AKAP6: variants seen among roughly 807,000 people sequenced by gnomAD.
AKAP6 encodes A-kinase anchor protein 6.
A neutral mutation model predicts 188.5 loss-of-function variants in AKAP6; 58 were observed. That is an observed-to-expected ratio of 0.31 (90% CI 0.25 to 0.38). AKAP6 has a LOEUF of 0.38. Among genes scored for constraint, AKAP6 ranks in the 10% least tolerant of loss-of-function variants. AKAP6 has a pLI of 1.00. For synonymous variants in AKAP6, 989 were observed against 998.6 expected (o/e 0.99, Z 0.18); for missense variants, 2,710 against 2,740.0 (o/e 0.99, Z 0.24).
chr14:32,671,899 A>G (rs191667627), intron 7 of AKAP6, among the ~76,000 whole-genome samples: 29 of 152,338 alleles, frequency 1.9e-4, no homozygotes, highest in Admixed American at 1.9e-3. Context: ...AGCAAAAAGC[A>G]AACTAAAAAT....
rs1245922107 is a variant in AKAP6, at chr14:32,402,861, C to G, written c.-34-30599C>G. Among the ~76,000 whole-genome samples the G allele has an allele frequency of 2.0e-5, 3 of 151,952 alleles. No homozygotes were observed. In the East Asian group the frequency reaches 5.8e-4, roughly 29 times the overall value. On this transcript the variant is annotated intron_variant, in intron 1 of 13. Coordinates refer to ENST00000280979, the MANE Select transcript of AKAP6 (RefSeq NM_004274.5). The stretch of plus-strand genomic sequence containing the variant: ...TCTCTTGCCTCAGCCTCCTGAGTAG[C>G]TGGGACTACAGGCACATGCCACCAC...
intron 9 of AKAP6, among the ~76,000 whole-genome samples, chr14:32,719,539 T>G (rs1447497595): frequency 6.6e-6 from 1 of 152,190 alleles, no homozygotes; most frequent in African/African-American, 2.4e-5. Flanking sequence ...AGATATCTCT[T>G]TGAGGAAATA....
chr14:32,514,148 C>G (rs926928237), intron 2 of AKAP6, among the ~76,000 whole-genome samples: 1 of 152,064 alleles, frequency 6.6e-6, no homozygotes, highest in South Asian at 2.1e-4. Context: ...CCCATCTACC[C>G]GATATGAAAG....
rs1366164021 is a variant in AKAP6, at chr14:32,698,574, C to T, written c.3000+2464C>T. ...GTTTGTGGGCCTGTCTTTTACACTA[C>T]AGAACATTTACTCTTCATGTTCCCC... On this transcript the variant is annotated intron_variant, in intron 9 of 13. Coordinates refer to ENST00000280979, the MANE Select transcript of AKAP6 (RefSeq NM_004274.5). Among the ~76,000 whole-genome samples the T allele has an allele frequency of 6.6e-5, 10 of 152,172 alleles. 2 individuals carry two copies. The Middle Eastern group carries it at 0.02, about 311-fold the overall frequency.
At chr14:32,717,142 G>A (rs528171348) in intron 9 of AKAP6, among the ~76,000 whole-genome samples, 1 of 148,746 alleles carries the variant, frequency 6.7e-6, no homozygotes, top group South Asian at 2.1e-4. Flanking sequence ...ATGGTGCCCA[G>A]TGAAGGTGCT....
intron 3 of AKAP6, 69 bp from the exon 4 acceptor site, chr14:32,545,161 C>T (rs1256532842): frequency 1.4e-5 from 20 of 1,467,804 alleles, no homozygotes; most frequent in Non-Finnish European, 9.4e-6. Flanking sequence ...ACTGCAATTT[C>T]ATTTACATAG....
chr14:32,468,006 T>C (rs1878557244), intron 2 of AKAP6, among the ~76,000 whole-genome samples: 2 of 152,090 alleles, frequency 1.3e-5, no homozygotes. Flanking sequence ...CTTCTGTTCT[T>C]GTATGTGTTA....
At chr14:32,382,242 A>C (rs1183913961) in intron 1 of AKAP6, among the ~76,000 whole-genome samples, 2 of 151,646 alleles carry the variant, frequency 1.3e-5, no homozygotes, top group Admixed American at 6.6e-5. Context: ...TGTCTCTGGA[A>C]TTCTGCTTGG....
intron 7 of AKAP6, among the ~76,000 whole-genome samples, chr14:32,651,417 A>G (rs1250229177): frequency 6.6e-6 from 1 of 152,128 alleles, no homozygotes; most frequent in Non-Finnish European, 1.5e-5. Flanking sequence ...GTAGGGTTGT[A>G]TTCATTGTTT....
chr14:32,368,876 G>GAAAA (rs150876565), intron 1 of AKAP6, among the ~76,000 whole-genome samples: 1 of 135,792 alleles, frequency 7.4e-6, no homozygotes, highest in African/African-American at 2.7e-5. Flanking sequence ...ATATTAAGAA[G>GAAAA]AAGAAAAAAA....
At chr14:32,411,994 G>A (rs769093636) in intron 1 of AKAP6, among the ~76,000 whole-genome samples, 35 of 152,046 alleles carry the variant, frequency 2.3e-4, no homozygotes, top group Middle Eastern at 3.4e-3. Context: ...TTGGTAAGTA[G>A]AATGGATTTG....
At chr14:32,811,179 C>T (rs1594971032) in intron 12 of AKAP6, among the ~76,000 whole-genome samples, 1 of 144,732 alleles carries the variant, frequency 6.9e-6, no homozygotes, top group South Asian at 2.2e-4. Flanking sequence ...GCGCAGCTTG[C>T]AGTGAGCCGA....
intron 9 of AKAP6, among the ~76,000 whole-genome samples, chr14:32,723,088 C>CA (rs1159168902): frequency 6.6e-6 from 1 of 152,190 alleles, no homozygotes; most frequent in African/African-American, 2.4e-5. Context: ...CCCCCTCCTG[C>CA]AAGGGGTTTA....
In AKAP6 at chr14:32,546,963, C is replaced by T; in HGVS notation, c.2310C>T (p.His770=). The part of the protein sequence containing the change: ...LIQKLMQDIQ[H]QDNYEAIWEK... ...AGAAACTGATGCAAGATATTCAGCA[C>T]CAAGACAACTATGAAGCCATATGGG... Residue 770 remains histidine (H), a synonymous_variant, in exon 4 of 14, where the codon CAC becomes CAT. Coordinates refer to ENST00000280979, the MANE Select transcript of AKAP6 (RefSeq NM_004274.5). 6.2e-7 allele frequency: 1 copy of T among 1,606,712 alleles called. No individual in the cohort carries two copies. Among genetic ancestry groups the T allele is most frequent in the Non-Finnish European group, 8.5e-7 (1 of 1,179,534 alleles).
intron 2 of AKAP6, among the ~76,000 whole-genome samples, chr14:32,456,045 C>T (rs780806396): frequency 6.6e-5 from 10 of 150,664 alleles, no homozygotes; most frequent in South Asian, 6.4e-4. Flanking sequence ...TGTTTTTTTT[C>T]GGTGGTAGAG....
chr14:32,778,457 A>G (rs34628134), intron 12 of AKAP6, among the ~76,000 whole-genome samples: 47,229 of 152,010 alleles, frequency 0.31, 8,005 homozygotes, highest in East Asian at 0.5. Context: ...GAGGTGGTAT[A>G]ATATCATTTA....
At chr14:32,489,094 T>A (rs1879859799) in intron 2 of AKAP6, among the ~76,000 whole-genome samples, 1 of 152,204 alleles carries the variant, frequency 6.6e-6, no homozygotes, top group Non-Finnish European at 1.5e-5. Flanking sequence ...TAGAGATGAA[T>A]TTAGGTAGAC....
chr14:32,714,227 A>T (rs953196310), intron 9 of AKAP6, among the ~76,000 whole-genome samples: 2 of 152,020 alleles, frequency 1.3e-5, no homozygotes, highest in Non-Finnish European at 2.9e-5. Context: ...ATCAAAGATC[A>T]CTGGTCACAG....
chr14:32,576,560 G>A (rs1057081791), intron 4 of AKAP6, among the ~76,000 whole-genome samples: 2 of 152,054 alleles, frequency 1.3e-5, no homozygotes, highest in African/African-American at 4.8e-5. Flanking sequence ...TTCCTTTGTA[G>A]CACACAGGCT....
Sources: allele counts gnomAD v4.1 joint callset (sites outside exome capture counted in the v4.1 genomes callset), GRCh38; gene constraint gnomAD v4.1.1; transcripts MANE v1.5; gene names NCBI Gene and HGNC (gene_info 2026-07-23, HGNC 2026-07-21).